NRXN3: variants seen among roughly 807,000 people sequenced by gnomAD.
NRXN3 encodes neurexin 3, also known as neurexin III.
NRXN3 carries 32 observed loss-of-function variants against 137.6 expected under a neutral mutation model. The ratio of observed to expected loss-of-function variants is 0.23; its 90% CI spans 0.18 to 0.31. NRXN3 has a LOEUF of 0.31. NRXN3 is among the 10% of genes least tolerant of loss of function. The pLI, the probability that NRXN3 is intolerant of heterozygous loss-of-function variation, is 1.00. For synonymous variants in NRXN3, 798 were observed against 784.5 expected (o/e 1.02, Z -0.29); for missense variants, 1,574 against 2,062.5 (o/e 0.76, Z 4.59).
chr14:78,791,019 T>C (rs185519379), intron 8 of NRXN3, among the ~76,000 whole-genome samples: 35 of 152,366 alleles, frequency 2.3e-4, no homozygotes, highest in African/African-American at 7.9e-4. Context: ...TTTGTCTTTC[T>C]AGACTCTAGA....
chr14:78,899,450 G>T (rs961904363), intron 10 of NRXN3, among the ~76,000 whole-genome samples: 3 of 151,940 alleles, frequency 2.0e-5, no homozygotes, highest in African/African-American at 7.2e-5. Context: ...TGCCACGTGG[G>T]CACAGAGTAG....
chr14:78,910,632 A>T (rs1197694278), intron 10 of NRXN3, among the ~76,000 whole-genome samples: 2 of 151,792 alleles, frequency 1.3e-5, no homozygotes, highest in Non-Finnish European at 2.9e-5. Flanking sequence ...TGCCCTGGTC[A>T]CTCTCTAGCC....
chr14:79,274,925 A>G (rs2080041903), intron 15 of NRXN3, among the ~76,000 whole-genome samples: 1 of 152,262 alleles, frequency 6.6e-6, no homozygotes, highest in Admixed American at 6.5e-5. Context: ...TAAACTATAC[A>G]TTTATACAAG....
chr14:79,397,331 T>G (rs1338478868), intron 15 of NRXN3, among the ~76,000 whole-genome samples: 1 of 152,240 alleles, frequency 6.6e-6, no homozygotes, highest in Non-Finnish European at 1.5e-5. Context: ...TGTCTGATGT[T>G]AAATTGCAAG....
intron 16 of NRXN3, among the ~76,000 whole-genome samples, chr14:79,536,829 T>C (rs992315428): frequency 7.2e-5 from 11 of 152,158 alleles, no homozygotes; most frequent in Non-Finnish European, 1.3e-4. Context: ...ATGGTATCTA[T>C]ATACCACATT....
At chr14:79,605,346 A>C (rs755775529) in intron 16 of NRXN3, among the ~76,000 whole-genome samples, 5 of 152,050 alleles carry the variant, frequency 3.3e-5, no homozygotes, top group African/African-American at 4.8e-5. Context: ...AATTTTAATA[A>C]AATTATTTTT....
chr14:79,364,239 T>C (rs1436536433), intron 15 of NRXN3, among the ~76,000 whole-genome samples: 1 of 152,248 alleles, frequency 6.6e-6, no homozygotes, highest in African/African-American at 2.4e-5. Context: ...CCTCCTTTTT[T>C]GTCCGTGATT....
intron 10 of NRXN3, among the ~76,000 whole-genome samples, chr14:78,925,441 G>A (rs2099285098): frequency 6.6e-6 from 1 of 152,230 alleles, no homozygotes; most frequent in Non-Finnish European, 1.5e-5. Flanking sequence ...CACATGCATA[G>A]GGAGATTATT....
chr14:79,059,247 ATTCT>A, intron 15 of NRXN3, among the ~76,000 whole-genome samples: 1 of 95,910 alleles, frequency 1.0e-5, no homozygotes, highest in African/African-American at 4.0e-5. Flanking sequence ...TTCAGGCCCT[ATTCT>A]TTTTTTTTTT....
At chr14:78,943,678 A>ATATC (rs2099358733) in intron 10 of NRXN3, among the ~76,000 whole-genome samples, 1 of 102,496 alleles carries the variant, frequency 9.8e-6, no homozygotes, top group Non-Finnish European at 2.0e-5. Context: ...ATATATATAT[A>ATATC]TCTCAAAGAA....
chr14:79,144,558 T>C (rs1185343709), intron 15 of NRXN3, among the ~76,000 whole-genome samples: 2 of 152,202 alleles, frequency 1.3e-5, no homozygotes, highest in African/African-American at 4.8e-5. Flanking sequence ...TGGGTAGCCT[T>C]GCTCTATGAG....
intron 16 of NRXN3, among the ~76,000 whole-genome samples, chr14:79,536,140 C>T (rs1451742373): frequency 6.6e-6 from 1 of 151,948 alleles, no homozygotes; most frequent in African/African-American, 2.4e-5. Context: ...CTTTAGAGAA[C>T]AAAAAGAAAG....
intron 20 of NRXN3, among the ~76,000 whole-genome samples, chr14:79,825,933 C>T (rs10144071): frequency 0.6 from 91,377 of 151,980 alleles, 27,925 homozygotes; most frequent in African/African-American, 0.72. Context: ...AAAATATGTG[C>T]ATAAATATTA....
intron 2 of NRXN3, among the ~76,000 whole-genome samples, chr14:78,272,911 T>G (rs1270542999): frequency 6.6e-6 from 1 of 152,132 alleles, no homozygotes; most frequent in Non-Finnish European, 1.5e-5. Context: ...AAATCAATCT[T>G]ATCTGGCTGT....
At chr14:79,471,841 A>G (rs1428713860) in intron 16 of NRXN3, among the ~76,000 whole-genome samples, 2 of 152,108 alleles carry the variant, frequency 1.3e-5, no homozygotes, top group African/African-American at 4.8e-5. Context: ...TCTTTTATGT[A>G]TGTATTTTAA....
At chr14:79,766,029 T>A (rs942329846) in intron 19 of NRXN3, among the ~76,000 whole-genome samples, 3 of 152,230 alleles carry the variant, frequency 2.0e-5, no homozygotes, top group African/African-American at 7.2e-5. Context: ...ATCAATTTTT[T>A]AACATATAGC....
intron 4 of NRXN3, among the ~76,000 whole-genome samples, chr14:78,529,134 C>A (rs1305235939): frequency 6.6e-6 from 1 of 152,168 alleles, no homozygotes; most frequent in Non-Finnish European, 1.5e-5. Flanking sequence ...ATAATAGAGC[C>A]TGACTAAATG....
At chr14:78,691,168 G>A (rs1430211052) in intron 6 of NRXN3, among the ~76,000 whole-genome samples, 1 of 152,130 alleles carries the variant, frequency 6.6e-6, no homozygotes, top group Non-Finnish European at 1.5e-5. Context: ...CATATTATGA[G>A]AATGGAGGCC....
chr14:78,368,105 A>G (rs1250701295), intron 4 of NRXN3, among the ~76,000 whole-genome samples: 1 of 152,232 alleles, frequency 6.6e-6, no homozygotes, highest in African/African-American at 2.4e-5. Context: ...TAAGAAAACT[A>G]CCGTTTAAAA....
Sources: gnomAD v4.1 joint callset for allele counts (sites outside exome capture counted in the v4.1 genomes callset) on GRCh38, gnomAD v4.1.1 for gene constraint, MANE v1.5 for transcripts, NCBI Gene and HGNC (gene_info 2026-07-23, HGNC 2026-07-21) for gene names.